The following CPNE4 variants were observed in gnomAD, a reference collection of about 807,000 sequenced individuals.
CPNE4 encodes copine-4.
A neutral mutation model predicts 67.9 loss-of-function variants in CPNE4; 25 were observed. That is an observed-to-expected ratio of 0.37 (90% confidence interval 0.27 to 0.51). The LOEUF (loss-of-function observed/expected upper bound fraction) is 0.51. Ranked by LOEUF, CPNE4 falls within the 20% of genes least tolerant of loss-of-function variation. The probability of loss-of-function intolerance (pLI) is 0.93; values close to 1 mark genes in which losing one functional copy is unlikely to be tolerated. For synonymous variants in CPNE4, 242 were observed against 244.9 expected (o/e 0.99, Z 0.11); for missense variants, 464 against 690.8 (o/e 0.67, Z 3.68).
intron 2 of CPNE4, among the ~76,000 whole-genome samples, chr3:131,887,913 T>C (rs1323568366): frequency 7.2e-6 from 1 of 138,918 alleles, no homozygotes; most frequent in Non-Finnish European, 1.7e-5. Flanking sequence ...GGAGGGTCTA[T>C]GTCCTTACCC....
intron 1 of CPNE4, among the ~76,000 whole-genome samples, chr3:131,954,991 T>C (rs116620419): frequency 0.032 from 4,762 of 150,620 alleles, 232 homozygotes; most frequent in African/African-American, 0.11. Context: ...AAAGAATTCC[T>C]TCTTCACAGA....
At chr3:132,025,341 G>T (rs756038248) in intron 1 of CPNE4, among the ~76,000 whole-genome samples, 1 of 152,126 alleles carries the variant, frequency 6.6e-6, no homozygotes, top group Non-Finnish European at 1.5e-5. Flanking sequence ...AGTACTAAAC[G>T]TACCTTTCAT....
chr3:131,587,670 G>A (rs1582849733), intron 7 of CPNE4, 88 bp from the exon 8 acceptor site: 1 of 922,586 alleles, frequency 1.1e-6, no homozygotes, highest in East Asian at 2.6e-5. Flanking sequence ...AGAAAGAGTA[G>A]ATGAAAGATG....
intron 1 of CPNE4, among the ~76,000 whole-genome samples, chr3:131,991,176 C>A (rs1163212208): frequency 1.5e-5 from 2 of 135,472 alleles, no homozygotes; most frequent in African/African-American, 4.9e-5. Flanking sequence ...ATGGCTATAA[C>A]GATGGAAGCA....
At chr3:131,707,744 C>T (rs933210326) in intron 3 of CPNE4, among the ~76,000 whole-genome samples, 14 of 152,132 alleles carry the variant, frequency 9.2e-5, no homozygotes, top group African/African-American at 3.4e-4. Context: ...TCTTTATCCT[C>T]AATGAACTTA....
chr3:131,744,494 A>G (rs945257450), intron 2 of CPNE4, among the ~76,000 whole-genome samples: 1 of 152,178 alleles, frequency 6.6e-6, no homozygotes, highest in Non-Finnish European at 1.5e-5. Context: ...CTATAGCATA[A>G]TATCATACCA....
chr3:131,750,434 G>A (rs111595702), intron 2 of CPNE4, among the ~76,000 whole-genome samples: 54 of 151,776 alleles, frequency 3.6e-4, no homozygotes, highest in Admixed American at 1.6e-3. Flanking sequence ...ATTTCATTTC[G>A]ATTTATGTAG....
At chr3:132,001,553 G>GAAGAGAAAGAA (rs1467276159) in intron 1 of CPNE4, among the ~76,000 whole-genome samples, 1 of 101,858 alleles carries the variant, frequency 9.8e-6, no homozygotes, top group African/African-American at 3.7e-5. Context: ...AAAGAAAAAA[G>GAAGAGAAAGAA]AGAAAGAAAG....
Position 131,682,696 on chromosome 3 carries a change from AG to A in CPNE4, c.591+3178del, listed in dbSNP as rs376603465. 1.9e-4 allele frequency among the ~76,000 whole-genome samples: 29 copies of A among 152,180 alleles called. No homozygotes were observed. In the East Asian group the frequency reaches 4.9e-3, roughly 26 times the overall value. Reference sequence around the variant, plus strand: ...TCTACAATCAGGAGATGGCAAAGTCAGCCAGGCTATGTCCTTCCCTTCAGGT... The same window carrying A: ...TCTACAATCAGGAGATGGCAAAGTCACCAGGCTATGTCCTTCCCTTCAGGT... On this transcript the variant is annotated intron_variant, in intron 6 of 15. Coordinates refer to ENST00000429747, the MANE Select transcript of CPNE4 (RefSeq NM_130808.3).
At chr3:131,748,613 T>C (rs200644524) in intron 2 of CPNE4, among the ~76,000 whole-genome samples, 12 of 152,098 alleles carry the variant, frequency 7.9e-5, no homozygotes, top group African/African-American at 2.9e-4. Context: ...TTAATTGTTA[T>C]AGGACTAGTC....
intron 13 of CPNE4, among the ~76,000 whole-genome samples, chr3:131,552,067 A>C (rs867916244): frequency 1.3e-4 from 10 of 76,870 alleles, no homozygotes; most frequent in South Asian, 4.1e-4. Context: ...AAGTTGTGAA[A>C]AAAAAAAAAA....
chr3:131,619,478 C>G (rs1293277516), intron 7 of CPNE4, among the ~76,000 whole-genome samples: 1 of 152,144 alleles, frequency 6.6e-6, no homozygotes, highest in Non-Finnish European at 1.5e-5. Context: ...AGATAATTCA[C>G]AATTATTGAA....
chr3:131,866,063 C>T (rs912168840), intron 2 of CPNE4, among the ~76,000 whole-genome samples: 3 of 152,222 alleles, frequency 2.0e-5, no homozygotes, highest in African/African-American at 7.2e-5. Flanking sequence ...CTGAGGTAAT[C>T]CCTGAAAGGA....
chr3:131,827,742 G>C (rs540456964), intron 2 of CPNE4, among the ~76,000 whole-genome samples: 2 of 152,048 alleles, frequency 1.3e-5, no homozygotes, highest in East Asian at 3.9e-4. Context: ...AGTTGAATTT[G>C]TAATAGAAAC....
At chr3:131,891,796 A>G (rs548105588) in intron 2 of CPNE4, among the ~76,000 whole-genome samples, 28 of 152,182 alleles carry the variant, frequency 1.8e-4, no homozygotes, top group African/African-American at 6.3e-4. Flanking sequence ...GTGTATATGT[A>G]CCACATTTTC....
chr3:131,738,854 CT>C (rs34053204), intron 2 of CPNE4, among the ~76,000 whole-genome samples: 266 of 140,138 alleles, frequency 1.9e-3, no homozygotes, highest in African/African-American at 4.0e-3. Flanking sequence ...TTTTCTTTTT[CT>C]TTTTTTTTTT....
chr3:131,975,448 G>A (rs2072622828), intron 1 of CPNE4, among the ~76,000 whole-genome samples: 1 of 152,152 alleles, frequency 6.6e-6, no homozygotes, highest in African/African-American at 2.4e-5. Flanking sequence ...TTTACCCGAG[G>A]CTTCTCCCAT....
chr3:131,965,618 A>G (rs547981630), intron 1 of CPNE4, among the ~76,000 whole-genome samples: 122 of 152,268 alleles, frequency 8.0e-4, no homozygotes, highest in African/African-American at 2.8e-3. Context: ...AAGATCAAAA[A>G]AGACAAAGAA....
intron 1 of CPNE4, among the ~76,000 whole-genome samples, chr3:131,984,040 G>A (rs2072977501): frequency 2.0e-5 from 3 of 152,258 alleles, no homozygotes; most frequent in African/African-American, 7.2e-5. Flanking sequence ...AAACTTGACT[G>A]CTCCTATGTA....
Sources: gnomAD v4.1 joint callset for allele counts (sites outside exome capture counted in the v4.1 genomes callset) on GRCh38, gnomAD v4.1.1 for gene constraint, MANE v1.5 for transcripts, NCBI Gene and HGNC (gene_info 2026-07-23, HGNC 2026-07-21) for gene names.